PGD: variants seen among roughly 807,000 people sequenced by gnomAD.
PGD encodes phosphogluconate dehydrogenase, also known as 6-phosphogluconate dehydrogenase, decarboxylating.
Under a neutral mutation model 60.4 loss-of-function variants are expected in PGD, and 21 were observed. The observed-to-expected ratio is 0.35, with a 90% CI of 0.25 to 0.50. PGD has a LOEUF of 0.50. Among genes scored for constraint, PGD ranks in the 20% least tolerant of loss-of-function variants. PGD has a pLI of 0.98. For missense variants in PGD, 477 were observed against 613.1 expected (o/e 0.78, Z 2.34); for synonymous variants, 230 against 235.9 (o/e 0.97, Z 0.23).
At position 10,420,084 on chromosome 1, in the gene PGD, C is replaced by T. The variant is rs1275582783; in HGVS notation, c.*335C>T. The T allele has an allele frequency of 8.1e-6, 2 of 246,230 alleles. No homozygotes were observed. Among genetic ancestry groups the T allele is most frequent in the Non-Finnish European group, 1.6e-5 (2 of 124,894 alleles). 15.3% of individuals were successfully genotyped at this position (246,230 alleles called of 1,614,324 possible). A position where few individuals can be genotyped will look rare whatever the true frequency, so the allele number is the denominator to read the frequency against. On this transcript the variant is annotated 3_prime_UTR_variant, in exon 13 of 13. Transcript: ENST00000270776. ...TTTGCGCACTCTGATCAACTGGAAC[C>T]TCTGTATCATGCGGCTGAATTCCCT...
rs567566355 is a variant in PGD, at chr1:10,420,469, C to T, written c.*720C>T. On this transcript the variant is annotated 3_prime_UTR_variant, in exon 13 of 13. Transcript: ENST00000270776. ...ATGGCTTTTTGTATGTCAAATACTT[C>T]ATACTAAACTTTCTAGAGAATTAAA... Among the ~76,000 whole-genome samples, 1 of 130,704 alleles carries T rather than the reference C, an allele frequency of 7.7e-6. No homozygotes were observed. Among genetic ancestry groups the T allele is most frequent in the African/African-American group, 2.9e-5 (1 of 34,832 alleles). The allele number at this position is 130,704 out of a possible 152,430, so 85.7% of individuals were successfully genotyped here. A position where few individuals can be genotyped will look rare whatever the true frequency, so the allele number is the denominator to read the frequency against.
At chr1:10,400,995 C>T (rs1639306268) in intron 3 of PGD, among the ~76,000 whole-genome samples, 1 of 151,862 alleles carries the variant, frequency 6.6e-6, no homozygotes. Context: ...GCTTATGGTC[C>T]CAGGTTCGAG....
chr1:10,406,285 T>C (rs549072104), intron 5 of PGD, among the ~76,000 whole-genome samples: 3 of 152,222 alleles, frequency 2.0e-5, no homozygotes, highest in Non-Finnish European at 4.4e-5. Flanking sequence ...TGCAGTGGCT[T>C]GCACCTGTAG....
chr1:10,399,802 T>TTGCTAATGTGCTC (rs1553173325), intron 2 of PGD, 98 bp downstream of exon 2: 6 of 1,020,914 alleles, frequency 5.9e-6, no homozygotes, highest in Non-Finnish European at 9.2e-6. Context: ...TGGCCGTGCT[T>TTGCTAATGTGCTC]TGCTAATGTG....
intron 1 of PGD, 57 bp from the exon 2 acceptor site, chr1:10,399,572 G>A: frequency 1.4e-6 from 2 of 1,478,488 alleles, no homozygotes; most frequent in East Asian, 2.3e-5. Flanking sequence ...GGACCCCTGG[G>A]TTGCAGCGCG....
chr1:10,414,962 G>A (rs976083342), intron 8 of PGD, among the ~76,000 whole-genome samples: 14 of 151,486 alleles, frequency 9.2e-5, no homozygotes, highest in African/African-American at 3.4e-4. Flanking sequence ...ATAGTGACCC[G>A]TGCCTGTAAT....
chr1:10,409,628 A>G (rs1639464386), intron 6 of PGD, among the ~76,000 whole-genome samples: 1 of 150,638 alleles, frequency 6.6e-6, no homozygotes, highest in Non-Finnish European at 1.5e-5. Flanking sequence ...AGATCACTGC[A>G]ATAAAAGTGA....
chr1:10,419,321 C>T, intron 11 of PGD, 96 bp from the exon 12 acceptor site: 1 of 1,511,492 alleles, frequency 6.6e-7, no homozygotes, highest in East Asian at 2.3e-5. Flanking sequence ...CTGGCCTAAC[C>T]ATCAGTTTTT....
At position 10,399,257 on chromosome 1, in the gene PGD, C is replaced by T. The variant is rs533173169; in HGVS notation, c.8+132C>T. On this transcript the variant is annotated intron_variant, in intron 1 of 12. Coordinates refer to ENST00000270776, the MANE Select transcript of PGD (RefSeq NM_002631.4). ...CCTGAGCTCACTTGGGGCTCTGTGACCCTGGCCCTACGGCGTCTCGGGCCC... is the reference window on the plus strand; with the variant it reads ...CCTGAGCTCACTTGGGGCTCTGTGATCCTGGCCCTACGGCGTCTCGGGCCC... 7.5e-6 allele frequency: 8 copies of T among 1,064,458 alleles called. No homozygotes were observed. In the South Asian group the frequency reaches 1.1e-4, roughly 15 times the overall value. 65.9% of individuals were successfully genotyped at this position (1,064,458 alleles called of 1,614,324 possible). A position where few individuals can be genotyped will look rare whatever the true frequency, so the allele number is the denominator to read the frequency against.
chr1:10,414,750 G>A (rs868722902), intron 8 of PGD, among the ~76,000 whole-genome samples: 29 of 151,782 alleles, frequency 1.9e-4, no homozygotes, highest in African/African-American at 6.8e-4. Flanking sequence ...GCCTCTCGTG[G>A]TTAATGAGAG....
intron 2 of PGD, chr1:10,400,024 G>A: frequency 8.8e-6 from 4 of 453,598 alleles, no homozygotes; most frequent in South Asian, 3.0e-5. Flanking sequence ...TGCCTGATGA[G>A]ATCTGGGGAG....
chr1:10,406,144 C>T (rs551730321), intron 5 of PGD, among the ~76,000 whole-genome samples: 8 of 152,252 alleles, frequency 5.3e-5, no homozygotes, highest in Non-Finnish European at 8.8e-5. Flanking sequence ...TGAGCCACTG[C>T]GCCCAGCCAA....
At chr1:10,416,415 C>A (rs576856332) in intron 8 of PGD, among the ~76,000 whole-genome samples, 1 of 152,300 alleles carries the variant, frequency 6.6e-6, no homozygotes, top group Non-Finnish European at 1.5e-5. Flanking sequence ...AAGTTCCTTC[C>A]GATCCATGTC....
At chr1:10,416,190 C>G (rs1639592018) in intron 8 of PGD, among the ~76,000 whole-genome samples, 1 of 152,146 alleles carries the variant, frequency 6.6e-6, no homozygotes, top group Non-Finnish European at 1.5e-5. Flanking sequence ...AACTCCTGGG[C>G]TCAAGTGATC....
chr1:10,414,858 C>T (rs1002502948), intron 8 of PGD, among the ~76,000 whole-genome samples: 4 of 151,438 alleles, frequency 2.6e-5, no homozygotes, highest in Admixed American at 1.3e-4. Context: ...TTTGGGTGAC[C>T]GAGGTGGGCG....
chr1:10,418,707 G>A (rs1288512237), intron 10 of PGD, 119 bp from the exon 11 acceptor site: 8 of 613,820 alleles, frequency 1.3e-5, no homozygotes, highest in Non-Finnish European at 2.1e-5. Context: ...CCTGGGAGGT[G>A]GAGGTTGCTG....
chr1:10,406,703 G>A (rs1354795651), intron 5 of PGD, among the ~76,000 whole-genome samples: 1 of 152,148 alleles, frequency 6.6e-6, no homozygotes, highest in East Asian at 1.9e-4. Flanking sequence ...GCCTTGACTG[G>A]CCATTAGGGA....
intron 1 of PGD, 47 bp from the exon 2 acceptor site, chr1:10,399,582 G>A: frequency 6.5e-7 from 1 of 1,542,984 alleles, no homozygotes; most frequent in Non-Finnish European, 8.9e-7. Flanking sequence ...GTTGCAGCGC[G>A]TCGAGCGGTG....
chr1:10,419,275 C>T (rs1162777802), intron 11 of PGD, 142 bp from the exon 12 acceptor site: 7 of 1,147,138 alleles, frequency 6.1e-6, no homozygotes, highest in African/African-American at 4.6e-5. Flanking sequence ...CCTCAGCCTT[C>T]CAAAGTGCTG....
Sources: gnomAD v4.1 joint callset for allele counts (sites outside exome capture counted in the v4.1 genomes callset) on GRCh38, gnomAD v4.1.1 for gene constraint, MANE v1.5 for transcripts, NCBI Gene and HGNC (gene_info 2026-07-23, HGNC 2026-07-21) for gene names.